The following MYT1L variants were observed in gnomAD, a reference collection of about 807,000 sequenced individuals.
MYT1L encodes myelin transcription factor 1 like.
Under a neutral mutation model 126.7 loss-of-function variants are expected in MYT1L, and 12 were observed. The observed-to-expected ratio is 0.09, with a 90% CI of 0.06 to 0.15. MYT1L has a LOEUF of 0.15. Among genes scored for constraint, MYT1L ranks in the 10% least tolerant of loss-of-function variants. The pLI, the probability that MYT1L is intolerant of heterozygous loss-of-function variation, is 1.00. For missense variants in MYT1L, 979 were observed against 1,585.2 expected (o/e 0.62, Z 6.49); for synonymous variants, 541 against 604.2 (o/e 0.90, Z 1.53).
chr2:2,080,026 T>C (rs1380978221), intron 3 of MYT1L, among the ~76,000 whole-genome samples: 2 of 152,196 alleles, frequency 1.3e-5, no homozygotes, highest in Non-Finnish European at 2.9e-5. Context: ...ATCTCACTTA[T>C]TGTCAACTGA....
intron 18 of MYT1L, among the ~76,000 whole-genome samples, chr2:1,881,393 T>C (rs1011628265): frequency 1.5e-5 from 2 of 134,214 alleles, no homozygotes; most frequent in Admixed American, 1.4e-4. Context: ...TGTGTGTGTG[T>C]GTGTGTGTCT....
intron 18 of MYT1L, among the ~76,000 whole-genome samples, chr2:1,855,726 G>C (rs987099185): frequency 6.6e-6 from 1 of 152,048 alleles, no homozygotes; most frequent in Non-Finnish European, 1.5e-5. Flanking sequence ...AAAACAACTG[G>C]AGAAAGAAGA....
chr2:1,970,620 T>C (rs1026078412), intron 8 of MYT1L, among the ~76,000 whole-genome samples: 2 of 152,184 alleles, frequency 1.3e-5, no homozygotes, highest in Admixed American at 1.3e-4. Flanking sequence ...GTGGTTGTGC[T>C]TTGTGGCTGC....
In MYT1L at chr2:2,202,307, C is replaced by A. The variant is rs1368908141; in HGVS notation, c.-420-29319G>T. Among the ~76,000 whole-genome samples the A allele has an allele frequency of 1.4e-4, 22 of 152,052 alleles. No individual in the cohort carries two copies. In the East Asian group the frequency reaches 4.1e-3, roughly 28 times the overall value. On this transcript the variant is annotated intron_variant, in intron 2 of 24. Coordinates refer to ENST00000647738, the MANE Select transcript of MYT1L (RefSeq NM_001303052.2). Reference sequence around the variant, plus strand: ...TGAAGGAAATAGAGACACAAAAAAACCTTCAAAAAATCAATGAATCCAGGA... The same window carrying A: ...TGAAGGAAATAGAGACACAAAAAAAACTTCAAAAAATCAATGAATCCAGGA...
chr2:1,851,878 A>T (rs2043308946), intron 18 of MYT1L, among the ~76,000 whole-genome samples, 175 bp from the exon 19 acceptor site: 1 of 152,106 alleles, frequency 6.6e-6, no homozygotes, highest in Non-Finnish European at 1.5e-5. Context: ...GACCACACAC[A>T]CACCTTCCAG....
At chr2:2,235,660 G>A (rs562109407) in intron 2 of MYT1L, among the ~76,000 whole-genome samples, 2 of 152,280 alleles carry the variant, frequency 1.3e-5, no homozygotes, top group African/African-American at 4.8e-5. Flanking sequence ...CATTTGGCAA[G>A]AGTGAACACG....
chr2:1,950,182 G>A (rs1364359326), intron 8 of MYT1L, among the ~76,000 whole-genome samples: 2 of 151,954 alleles, frequency 1.3e-5, no homozygotes, highest in African/African-American at 4.8e-5. Context: ...GAGTAACAGT[G>A]GAGGAGGTTT....
rs771873170 is a variant in MYT1L at position 1,980,333 on chromosome 2, C to CATAT, written c.1-560_1-557dup. Among the ~76,000 whole-genome samples, 625 of 147,652 alleles carry CATAT rather than the reference C, an allele frequency of 4.2e-3. 5 individuals carry two copies. The highest frequency in any genetic ancestry group is 0.015 in the African/African-American group (589 of 40,432). On this transcript the variant is annotated intron_variant, in intron 5 of 24. Coordinates refer to ENST00000647738, the MANE Select transcript of MYT1L (RefSeq NM_001303052.2). The stretch of plus-strand genomic sequence containing the variant: ...ATTTATATCTATATATACACACACA[C>CATAT]ATATATATATAATATTTAGATTCTC...
chr2:2,100,363 T>C (rs1252514480), intron 3 of MYT1L, among the ~76,000 whole-genome samples: 1 of 152,164 alleles, frequency 6.6e-6, no homozygotes, highest in East Asian at 1.9e-4. Context: ...TATAGTAACA[T>C]TTTTTTCTAA....
At chr2:1,932,603 G>T (rs760709795) in intron 9 of MYT1L, among the ~76,000 whole-genome samples, 1 of 152,198 alleles carries the variant, frequency 6.6e-6, no homozygotes, top group Admixed American at 6.5e-5. Context: ...ACATAGTGAC[G>T]TGTGTTCCAC....
chr2:2,310,506 A>G (rs1374038000), intron 1 of MYT1L, among the ~76,000 whole-genome samples: 1 of 152,208 alleles, frequency 6.6e-6, no homozygotes, highest in East Asian at 1.9e-4. Context: ...TCTGTTGTCT[A>G]ATCAAAAACT....
At chr2:1,882,886 T>C (rs977962734) in intron 18 of MYT1L, among the ~76,000 whole-genome samples, 1 of 152,242 alleles carries the variant, frequency 6.6e-6, no homozygotes, top group African/African-American at 2.4e-5. Context: ...ATTCAAAATG[T>C]TAATTCTTTG....
At chr2:2,317,925 G>A (rs2096094324) in intron 1 of MYT1L, among the ~76,000 whole-genome samples, 1 of 152,188 alleles carries the variant, frequency 6.6e-6, no homozygotes, top group Non-Finnish European at 1.5e-5. Flanking sequence ...AGGCCATGTT[G>A]TTATAAGGGC....
chr2:1,898,946 G>T (rs899946485), intron 14 of MYT1L, among the ~76,000 whole-genome samples: 2 of 152,234 alleles, frequency 1.3e-5, no homozygotes, highest in African/African-American at 4.8e-5. Context: ...AGTTGTCTGT[G>T]TGGCCAGGAG....
At chr2:1,842,917 TTCCGCTTCCAGGCG>T (rs2041977030) in intron 19 of MYT1L, 1 of 177,636 alleles carries the variant, frequency 5.6e-6, no homozygotes, top group Non-Finnish European at 1.2e-5. Flanking sequence ...TTCCAGGCGC[TTCCGCTTCCAGGCG>T]CTTCCGCTTC....
At chr2:2,156,674 G>A (rs1262690088) in intron 3 of MYT1L, among the ~76,000 whole-genome samples, 2 of 152,184 alleles carry the variant, frequency 1.3e-5, no homozygotes, top group Admixed American at 1.3e-4. Flanking sequence ...CGTTGGCAGA[G>A]GTGAAGGAAG....
At chr2:1,941,709 C>T (rs200317304) in intron 9 of MYT1L, among the ~76,000 whole-genome samples, 1 of 149,778 alleles carries the variant, frequency 6.7e-6, no homozygotes, top group Non-Finnish European at 1.5e-5. Context: ...ACATATCTAT[C>T]TATGTGTGTG....
At chr2:2,062,521 C>T (rs892833501) in intron 3 of MYT1L, among the ~76,000 whole-genome samples, 49 of 152,322 alleles carry the variant, frequency 3.2e-4, no homozygotes, top group African/African-American at 1.1e-3. Context: ...CTTTTTGCTG[C>T]ATCCCTGTCT....
intron 21 of MYT1L, chr2:1,824,418 T>C (rs1572578520): frequency 6.6e-6 from 1 of 152,300 alleles, no homozygotes; most frequent in Non-Finnish European, 1.5e-5. Flanking sequence ...GGCCAGAACA[T>C]GTCTGACGTC....
Sources: allele counts gnomAD v4.1 joint callset (sites outside exome capture counted in the v4.1 genomes callset), GRCh38; gene constraint gnomAD v4.1.1; transcripts MANE v1.5; gene names NCBI Gene and HGNC (gene_info 2026-07-23, HGNC 2026-07-21).